Variants in ITCH observed in about 807,000 individuals in gnomAD.
ITCH encodes itchy E3 ubiquitin protein ligase.
In ITCH, 28 loss-of-function variants were observed where a neutral mutation model predicts 126.8. That is an observed-to-expected ratio of 0.22 (90% CI 0.16 to 0.30). The LOEUF (loss-of-function observed/expected upper bound fraction) is 0.30, where lower values mean the gene tolerates loss of function less well. Ranked by LOEUF, ITCH falls within the 10% of genes least tolerant of loss-of-function variation. The probability of loss-of-function intolerance (pLI) is 1.00; values close to 1 mark genes in which losing one functional copy is unlikely to be tolerated. For synonymous variants in ITCH, 342 were observed against 340.0 expected, an observed-to-expected ratio of 1.01 and a Z score of -0.06; for missense variants, 631 against 1,032.4, an observed-to-expected ratio of 0.61 and a Z score of 5.33.
chr20:34,396,035 A>G (rs865830193), intron 3 of ITCH, among the ~76,000 whole-genome samples: 1 of 136,724 alleles, frequency 7.3e-6, no homozygotes, highest in East Asian at 2.1e-4. Flanking sequence ...TATTATTATT[A>G]TTTTTTTTTT....
At chr20:34,414,529 C>T (rs1474035113) in intron 6 of ITCH, among the ~76,000 whole-genome samples, 2 of 143,490 alleles carry the variant, frequency 1.4e-5, no homozygotes, top group African/African-American at 2.6e-5. Context: ...TGCAATGGCA[C>T]GATTTCGGCT....
At chr20:34,387,302 CAAAAAA>C (rs879381228) in intron 2 of ITCH, among the ~76,000 whole-genome samples, 1 of 121,600 alleles carries the variant, frequency 8.2e-6, no homozygotes, top group African/African-American at 3.0e-5. Context: ...ATGTCTGTCT[CAAAAAA>C]AAAAAAAAAA....
chr20:34,395,872 C>T (rs1385907703), intron 3 of ITCH, among the ~76,000 whole-genome samples: 1 of 151,998 alleles, frequency 6.6e-6, no homozygotes, highest in African/African-American at 2.4e-5. Context: ...GTTGTTTCCA[C>T]TTTTTGGATT....
At chr20:34,383,986 A>G (rs2038169414) in intron 2 of ITCH, among the ~76,000 whole-genome samples, 2 of 151,230 alleles carry the variant, frequency 1.3e-5, no homozygotes, top group African/African-American at 4.9e-5. Flanking sequence ...CTGAGATTAC[A>G]GGCATGCACC....
At chr20:34,495,294 A>AATAT (rs56706640) in intron 23 of ITCH, among the ~76,000 whole-genome samples, 2,312 of 120,434 alleles carry the variant, frequency 0.019, 38 homozygotes, top group Middle Eastern at 0.036. Flanking sequence ...AAATAAATAA[A>AATAT]ATATATATAT....
At chr20:34,422,293 A>G (rs187371837) in intron 6 of ITCH, among the ~76,000 whole-genome samples, 123 of 152,344 alleles carry the variant, frequency 8.1e-4, no homozygotes, top group African/African-American at 2.7e-3. Context: ...CTCAGAACTC[A>G]TGTGATTAAA....
chr20:34,424,663 T>A, intron 7 of ITCH, 138 bp downstream of exon 7: 1 of 803,012 alleles, frequency 1.2e-6, no homozygotes, highest in South Asian at 1.5e-5. Context: ...AGGGAAATAT[T>A]TGCAAAAGAT....
intron 2 of ITCH, among the ~76,000 whole-genome samples, chr20:34,390,443 C>CTTTTTTTT (rs546555130): frequency 1.3e-4 from 12 of 90,786 alleles, no homozygotes; most frequent in African/African-American, 1.9e-4. Context: ...CAAGAATAAT[C>CTTTTTTTT]TTTTTTTTTT....
In ITCH at chr20:34,467,633, CAA is replaced by C. The variant is rs1987193657; in HGVS notation, c.1425-2413_1425-2412del. On this transcript the variant is annotated intron_variant, in intron 14 of 24. Coordinates refer to ENST00000374864, the MANE Select transcript of ITCH (RefSeq NM_031483.7). ...AAGTTATAAATTAATCAGTCCTATT[CAA>C]ATTCATTCATAAAATACAAGTGATG... Among the ~76,000 whole-genome samples the C allele has an allele frequency of 2.0e-5, 3 of 149,474 alleles. No homozygotes were observed. The South Asian group carries it at 6.3e-4, about 31-fold the overall frequency.
intron 2 of ITCH, among the ~76,000 whole-genome samples, chr20:34,372,436 A>T (rs1260307630): frequency 1.6e-5 from 2 of 121,912 alleles, no homozygotes; most frequent in African/African-American, 6.6e-5. Context: ...GCTGGAGTGC[A>T]GTGGCGCAAT....
intron 7 of ITCH, 129 bp downstream of exon 7, chr20:34,424,654 G>A (rs1981248604): frequency 1.2e-6 from 1 of 843,218 alleles, no homozygotes; most frequent in Non-Finnish European, 2.0e-6. Flanking sequence ...AACTCAAGAA[G>A]GGAAATATTT....
chr20:34,434,687 G>A (rs570472057), intron 7 of ITCH, among the ~76,000 whole-genome samples: 12 of 152,190 alleles, frequency 7.9e-5, no homozygotes, highest in Non-Finnish European at 1.6e-4. Context: ...TTATTTTTAG[G>A]GAAGAGGAAG....
At chr20:34,502,950 T>A (rs1338088371) in intron 23 of ITCH, among the ~76,000 whole-genome samples, 15 of 152,170 alleles carry the variant, frequency 9.9e-5, no homozygotes. Flanking sequence ...AGGCGGAGGT[T>A]GCATTGAGCC....
In ITCH at chr20:34,511,155, ATTTAC is replaced by A. The variant is rs1424695629; in HGVS notation, c.*3365_*3369del. 1 of 151,412 alleles carries A rather than the reference ATTTAC, an allele frequency of 6.6e-6. No homozygotes were observed. Among genetic ancestry groups the A allele is most frequent in the Non-Finnish European group, 1.5e-5 (1 of 67,846 alleles). 9.4% of individuals were successfully genotyped at this position (151,412 alleles called of 1,614,324 possible). On this transcript the variant is annotated 3_prime_UTR_variant, in exon 25 of 25. Transcript: ENST00000374864. ...TCCTTTTTTTGTTTTTCTTTTAGTT[ATTTAC>A]TTTGTTTGTATAATTTGCTTTCATT...
chr20:34,426,809 C>G (rs1447750875), intron 7 of ITCH, among the ~76,000 whole-genome samples: 1 of 151,262 alleles, frequency 6.6e-6, no homozygotes, highest in Non-Finnish European at 1.5e-5. Context: ...TTGTCTCACT[C>G]TGTCACCCAG....
intron 16 of ITCH, among the ~76,000 whole-genome samples, chr20:34,472,005 G>C (rs1013390293): frequency 2.0e-5 from 3 of 152,044 alleles, no homozygotes; most frequent in Non-Finnish European, 4.4e-5. Flanking sequence ...GTGGTCATTG[G>C]TGACAGTATC....
intron 18 of ITCH, 37 bp from the exon 19 acceptor site, chr20:34,480,562 C>A (rs1408589469): frequency 6.2e-7 from 1 of 1,603,170 alleles, no homozygotes; most frequent in South Asian, 1.1e-5. Context: ...GATTATTGTA[C>A]AGTTATTTTA....
intron 1 of ITCH, among the ~76,000 whole-genome samples, chr20:34,363,632 G>T (rs1219960963): frequency 1.3e-5 from 2 of 152,162 alleles, no homozygotes; most frequent in Non-Finnish European, 2.9e-5. Flanking sequence ...TTGTGAAAGG[G>T]CTGGGCCACG....
chr20:34,385,473 A>G (rs1229571994), intron 2 of ITCH, among the ~76,000 whole-genome samples: 1 of 152,052 alleles, frequency 6.6e-6, no homozygotes, highest in Admixed American at 6.6e-5. Flanking sequence ...GTACAACAAT[A>G]TTTATATTTA....
Sources: allele counts gnomAD v4.1 joint callset (sites outside exome capture counted in the v4.1 genomes callset), GRCh38; gene constraint gnomAD v4.1.1; transcripts MANE v1.5; gene names NCBI Gene and HGNC (gene_info 2026-07-23, HGNC 2026-07-21).